ZNF716: variants seen among roughly 807,000 people sequenced by gnomAD.
ZNF716 encodes zinc finger protein 716.
Under a neutral mutation model 13.4 loss-of-function variants are expected in ZNF716, and 9 were observed. The observed-to-expected ratio is 0.67, with a 90% CI of 0.41 to 1.18. The LOEUF is 1.18. Ranked by LOEUF, ZNF716 falls within the 50% of genes most tolerant of loss-of-function variation. ZNF716 has a pLI of 0.01. For missense variants in ZNF716, 581 were observed against 576.6 expected (o/e 1.01, Z -0.08); for synonymous variants, 186 against 195.2 (o/e 0.95, Z 0.39).
In ZNF716 at chr7:57,470,644, C is replaced by CT. The variant is rs1789913441; in HGVS notation, c.*699dup. 6.6e-6 allele frequency: 1 copy of CT among 151,638 alleles called. No individual in the cohort carries two copies. Among genetic ancestry groups the CT allele is most frequent in the Admixed American group, 6.6e-5 (1 of 15,198 alleles). 9.4% of individuals were successfully genotyped at this position (151,638 alleles called of 1,614,324 possible). ...CCTACAATAAGGAATATGGAAATGT[C>CT]TTTTAAAAGTCCTCAAACTTTTTGT... On this transcript the variant is annotated 3_prime_UTR_variant, in exon 4 of 4. Transcript: ENST00000420713.
chr7:57,460,452 C>T (rs1370083229), intron 1 of ZNF716, among the ~76,000 whole-genome samples: 3 of 147,446 alleles, frequency 2.0e-5, no homozygotes, highest in East Asian at 2.0e-4. Flanking sequence ...GCCATGTGTT[C>T]GGAACTTGCA....
rs4870621 is a variant in ZNF716 at position 57,473,527 on chromosome 7, A to T, written c.*3578A>T. The stretch of plus-strand genomic sequence containing the variant: ...AGAGCGAGAAACCATCTCAAAAAAA[A>T]AAATAAATAAATAAAAGATATACCT... On this transcript the variant is annotated 3_prime_UTR_variant, in exon 4 of 4. Coordinates refer to ENST00000420713, the MANE Select transcript of ZNF716 (RefSeq NM_001159279.1). The T allele has an allele frequency of 0.39, 58,888 of 151,604 alleles. 11,566 individuals are homozygous for T. Among genetic ancestry groups the T allele is most frequent in the East Asian group, 0.51 (2,643 of 5,148 alleles). 9.4% of individuals were successfully genotyped at this position (151,604 alleles called of 1,614,324 possible). A position where few individuals can be genotyped will look rare whatever the true frequency, so the allele number is the denominator to read the frequency against.
chr7:57,469,077 A>G lies in ZNF716; in HGVS notation c.616A>G (p.Ile206Val). 1 of 1,608,324 alleles carries G rather than the reference A, an allele frequency of 6.2e-7. No homozygotes were observed. The highest frequency in any genetic ancestry group is 8.5e-7 in the Non-Finnish European group (1 of 1,176,794). ...TTCACGCCTAAATCAACATCAGATAATTCATACTAGGGAGAAGTCTTACAA... is the reference window on the plus strand; with the variant it reads ...TTCACGCCTAAATCAACATCAGATAGTTCATACTAGGGAGAAGTCTTACAA... Reference protein sequence around the residue: ...MLSRLNQHQIIHTREKSYKCE... With the variant: ...MLSRLNQHQIVHTREKSYKCE... The change falls in exon 4 of 4, where the codon ATT (isoleucine) becomes GTT (valine). Residue 206 changes from isoleucine (I) to valine (V), a missense_variant. By Grantham distance (29) the Ile-to-Val change is conservative. Transcript: ENST00000420713.
intron 1 of ZNF716, among the ~76,000 whole-genome samples, chr7:57,460,159 G>A (rs1394887440): frequency 1.3e-5 from 2 of 152,110 alleles, no homozygotes; most frequent in African/African-American, 4.8e-5. Flanking sequence ...AGGCCAAGGC[G>A]GGCAGATCAT....
At chr7:57,455,291 G>C (rs1163979099) in intron 1 of ZNF716, among the ~76,000 whole-genome samples, 2 of 152,126 alleles carry the variant, frequency 1.3e-5, no homozygotes, top group Non-Finnish European at 2.9e-5. Context: ...GTACTCAAAG[G>C]TCAGGAGCCC....
intron 1 of ZNF716, among the ~76,000 whole-genome samples, chr7:57,459,662 A>T (rs1210158941): frequency 1.3e-5 from 2 of 152,174 alleles, no homozygotes; most frequent in Non-Finnish European, 2.9e-5. Context: ...TTCAAGATAC[A>T]TTCATGAGAG....
At chr7:57,465,392 G>T (rs1178610147) in intron 3 of ZNF716, among the ~76,000 whole-genome samples, 5 of 150,690 alleles carry the variant, frequency 3.3e-5, no homozygotes, top group Admixed American at 1.3e-4. Flanking sequence ...TCACTCTGTT[G>T]CCCAGACTGT....
chr7:57,464,092 G>A (rs1294432687), intron 3 of ZNF716, among the ~76,000 whole-genome samples: 29 of 146,046 alleles, frequency 2.0e-4, no homozygotes, highest in African/African-American at 7.1e-4. Flanking sequence ...AAATTAAAAG[G>A]TAGTTCAATC....
chr7:57,461,276 CATAAAAT>C (rs1789704532), intron 1 of ZNF716, among the ~76,000 whole-genome samples: 2 of 152,028 alleles, frequency 1.3e-5, no homozygotes. Flanking sequence ...GATTTTGTCT[CATAAAAT>C]ATATATAGTT....
At chr7:57,466,845 T>C (rs1313089766) in intron 3 of ZNF716, among the ~76,000 whole-genome samples, 1 of 152,124 alleles carries the variant, frequency 6.6e-6, no homozygotes, top group Non-Finnish European at 1.5e-5. Context: ...ATTTTAATTC[T>C]TGCTTCATTT....
chr7:57,463,298 T>C lies in ZNF716; in HGVS notation c.262+130T>C, dbSNP rs1391229531. ...AGTTTCTGAGAAGCCAGAGTCATTTTTTTCTATTATGCTTACATAGGGACA... is the reference window on the plus strand; with the variant it reads ...AGTTTCTGAGAAGCCAGAGTCATTTCTTTCTATTATGCTTACATAGGGACA... On this transcript the variant is annotated intron_variant, in intron 3 of 3. Coordinates refer to ENST00000420713, the MANE Select transcript of ZNF716 (RefSeq NM_001159279.1). The C allele has an allele frequency of 3.2e-6, 4 of 1,254,782 alleles. No homozygotes were observed. The East Asian group carries it at 9.5e-5, about 30-fold the overall frequency. 77.7% of individuals were successfully genotyped at this position (1,254,782 alleles called of 1,614,324 possible).
At chr7:57,456,004 G>T (rs1414189078) in intron 1 of ZNF716, among the ~76,000 whole-genome samples, 1 of 151,740 alleles carries the variant, frequency 6.6e-6, no homozygotes, top group Non-Finnish European at 1.5e-5. Flanking sequence ...CACCCAGGCT[G>T]GAATGCAGTG....
At chr7:57,454,207 A>AT (rs1443332197) in intron 1 of ZNF716, among the ~76,000 whole-genome samples, 1 of 152,204 alleles carries the variant, frequency 6.6e-6, no homozygotes, top group East Asian at 1.9e-4. Flanking sequence ...GTTTGTTCAT[A>AT]TTACTAATGT....
At position 57,469,852 on chromosome 7, in the gene ZNF716, A is replaced by G. The variant is rs1265256832; in HGVS notation, c.1391A>G (p.Tyr464Cys). 6.2e-7 allele frequency: 1 copy of G among 1,603,132 alleles called. No homozygotes were observed. The highest frequency in any genetic ancestry group is 8.5e-7 in the Non-Finnish European group (1 of 1,174,232). The change falls in exon 4 of 4, where the codon TAC becomes TGC. Residue 464 changes from tyrosine (Y) to cysteine (C), a missense_variant. Transcript: ENST00000420713. ...AGGATTCATACTGGAGAGAAACCCTACAAATGTGAAGAATGTGACCAAACT... is the reference window on the plus strand; with the variant it reads ...AGGATTCATACTGGAGAGAAACCCTGCAAATGTGAAGAATGTGACCAAACT... ...HKRIHTGEKP[Y>C]KCEECDQTFK...
chr7:57,451,842 C>T (rs1789503703), intron 1 of ZNF716, among the ~76,000 whole-genome samples: 2 of 151,282 alleles, frequency 1.3e-5, no homozygotes, highest in South Asian at 4.2e-4. Context: ...TCTTGCCTCA[C>T]TACAACCTCC....
Position 57,468,944 on chromosome 7 carries a change from A to G in ZNF716, c.483A>G (p.Lys161=). ...AAAACAAAACATTTCAGACTCATAA[A>G]TGCGTCAAAGTCTTTGGTAAATTTT... ...ATQNKTFQTH[K]CVKVFGKFSN... is the part of the protein sequence containing the mutation. Residue 161 remains lysine, a synonymous_variant, in exon 4 of 4, where the codon AAA becomes AAG. Coordinates refer to ENST00000420713, the MANE Select transcript of ZNF716 (RefSeq NM_001159279.1). The G allele has an allele frequency of 6.2e-7, 1 of 1,610,922 alleles. No homozygotes were observed. The highest frequency in any genetic ancestry group is 8.5e-7 in the Non-Finnish European group (1 of 1,178,284).
chr7:57,450,386 A>T, intron 1 of ZNF716, 59 bp downstream of exon 1: 1 of 1,613,448 alleles, frequency 6.2e-7, no homozygotes, highest in Non-Finnish European at 8.5e-7. Context: ...ACTGACTGAA[A>T]GTGGCTGTAG....
chr7:57,455,092 T>C (rs537738309), intron 1 of ZNF716, among the ~76,000 whole-genome samples: 93 of 152,042 alleles, frequency 6.1e-4, no homozygotes, highest in Non-Finnish European at 1.0e-3. Context: ...TTTCAGGGTA[T>C]CAATGTATAG....
rs557640800 is a variant in ZNF716, at chr7:57,451,364, A to G, written c.39+1037A>G. Among the ~76,000 whole-genome samples, 14 of 151,738 alleles carry G rather than the reference A, an allele frequency of 9.2e-5. No homozygotes were observed. In the East Asian group the frequency reaches 2.7e-3, roughly 30 times the overall value. ...TTTTTTTTTTTAAGTGAGAGCCGAG[A>G]AGAATCAATCCACCTCAGTCTAATT... On this transcript the variant is annotated intron_variant, in intron 1 of 3. Coordinates refer to ENST00000420713, the MANE Select transcript of ZNF716 (RefSeq NM_001159279.1).
Sources: gnomAD v4.1 joint callset for allele counts (sites outside exome capture counted in the v4.1 genomes callset) on GRCh38, gnomAD v4.1.1 for gene constraint, MANE v1.5 for transcripts, NCBI Gene and HGNC (gene_info 2026-07-23, HGNC 2026-07-21) for gene names.